The following ZDHHC14 variants were observed in gnomAD, a reference collection of about 807,000 sequenced individuals.
ZDHHC14 encodes zDHHC palmitoyltransferase 14.
ZDHHC14 carries 16 observed loss-of-function variants against 47.7 expected under a neutral mutation model. That is an observed-to-expected ratio of 0.34 (90% confidence interval 0.23 to 0.51). The LOEUF is 0.51. ZDHHC14 is among the 20% of genes least tolerant of loss of function. ZDHHC14 has a pLI of 0.97. For synonymous variants in ZDHHC14, 293 were observed against 278.9 expected, an observed-to-expected ratio of 1.05 and a Z score of -0.50; for missense variants, 515 against 662.5, an observed-to-expected ratio of 0.78 and a Z score of 2.44.
intron 1 of ZDHHC14, among the ~76,000 whole-genome samples, chr6:157,479,458 G>C (rs967618103): frequency 6.6e-6 from 1 of 152,168 alleles, no homozygotes; most frequent in Non-Finnish European, 1.5e-5. Flanking sequence ...TTCTCAGGCA[G>C]CCCCTGGTAT....
At chr6:157,500,319 G>A (rs1780166343) in intron 1 of ZDHHC14, among the ~76,000 whole-genome samples, 2 of 152,168 alleles carry the variant, frequency 1.3e-5, no homozygotes, top group South Asian at 4.2e-4. Context: ...GGGAGGAAGA[G>A]GATGCCACTG....
rs117551201 is a variant in ZDHHC14 at position 157,652,738 on chromosome 6, C to T, written c.966-787C>T. On this transcript the variant is annotated intron_variant, in intron 7 of 8. Coordinates refer to ENST00000359775, the MANE Select transcript of ZDHHC14 (RefSeq NM_024630.3). Reference sequence around the variant, plus strand: ...CTCAGAGATACAGATATTGAGACGGCCTGCCGGTCCTTGCCCTCCACGCTC... The same window carrying T: ...CTCAGAGATACAGATATTGAGACGGTCTGCCGGTCCTTGCCCTCCACGCTC... Among the ~76,000 whole-genome samples, 964 of 152,320 alleles carry T rather than the reference C, an allele frequency of 6.3e-3. 2 individuals are homozygous for T. The highest frequency in any genetic ancestry group is 0.011 in the Non-Finnish European group (738 of 68,022).
At chr6:157,407,883 T>C (rs182661435) in intron 1 of ZDHHC14, among the ~76,000 whole-genome samples, 7 of 152,342 alleles carry the variant, frequency 4.6e-5, no homozygotes, top group South Asian at 4.1e-4. Context: ...AAACTTACCA[T>C]GAACTTCTCA....
intron 1 of ZDHHC14, among the ~76,000 whole-genome samples, chr6:157,509,247 C>G (rs1780403276): frequency 6.6e-6 from 1 of 152,180 alleles, no homozygotes; most frequent in Non-Finnish European, 1.5e-5. Context: ...ATGATGTCCC[C>G]ATCTTACCAT....
In ZDHHC14 at chr6:157,676,116, T is replaced by A. The variant is rs1369719785; in HGVS notation, c.*2994T>A. ...CCAGGAGGGCCCCAGGAAGTGGGGATGCTGCAGGAAGGCGGCACAAAGCCT... is the reference window on the plus strand; with the variant it reads ...CCAGGAGGGCCCCAGGAAGTGGGGAAGCTGCAGGAAGGCGGCACAAAGCCT... On this transcript the variant is annotated 3_prime_UTR_variant, in exon 9 of 9. Transcript: ENST00000359775. 1.3e-5 allele frequency: 2 copies of A among 152,040 alleles called. No individual in the cohort carries two copies. The highest frequency in any genetic ancestry group is 2.9e-5 in the Non-Finnish European group (2 of 68,012). 9.4% of individuals were successfully genotyped at this position (152,040 alleles called of 1,614,324 possible). A position where few individuals can be genotyped will look rare whatever the true frequency, so the allele number is the denominator to read the frequency against.
At chr6:157,550,482 C>T (rs536695831) in intron 2 of ZDHHC14, among the ~76,000 whole-genome samples, 1 of 151,366 alleles carries the variant, frequency 6.6e-6, no homozygotes, top group African/African-American at 2.5e-5. Flanking sequence ...AGAGAGACCA[C>T]AGCGTCACAC....
chr6:157,541,261 C>A (rs1443291189), intron 1 of ZDHHC14, among the ~76,000 whole-genome samples: 2 of 152,182 alleles, frequency 1.3e-5, no homozygotes, highest in African/African-American at 4.8e-5. Context: ...CTCCAGGAAG[C>A]TGTGTCTAGG....
chr6:157,594,856 A>T (rs1784059004), intron 3 of ZDHHC14, among the ~76,000 whole-genome samples: 1 of 152,176 alleles, frequency 6.6e-6, no homozygotes, highest in African/African-American at 2.4e-5. Context: ...CATCTTAAAT[A>T]TCTCTGGGGG....
chr6:157,521,394 G>T lies in ZDHHC14; in HGVS notation c.246-21191G>T, dbSNP rs1582881128. ...GAGCAGGACGCTTCTGTCTTCGTCTGTTCAGGCATCTATTACAACAAAATA... is the reference window on the plus strand; with the variant it reads ...GAGCAGGACGCTTCTGTCTTCGTCTTTTCAGGCATCTATTACAACAAAATA... On this transcript the variant is annotated intron_variant, in intron 1 of 8. Transcript: ENST00000359775. Among the ~76,000 whole-genome samples the T allele has an allele frequency of 5.3e-5, 8 of 152,308 alleles. No individual in the cohort carries two copies. The South Asian group carries it at 1.4e-3, about 28-fold the overall frequency.
intron 7 of ZDHHC14, among the ~76,000 whole-genome samples, chr6:157,648,146 C>G (rs1216434700): frequency 1.3e-5 from 2 of 152,224 alleles, no homozygotes; most frequent in East Asian, 1.9e-4. Context: ...AATACAGATT[C>G]TTTGTGAGTT....
At chr6:157,539,554 T>A (rs569216818) in intron 1 of ZDHHC14, among the ~76,000 whole-genome samples, 1 of 152,264 alleles carries the variant, frequency 6.6e-6, no homozygotes, top group South Asian at 2.1e-4. Flanking sequence ...GCTGGCCGTT[T>A]CTATTTAAGA....
intron 7 of ZDHHC14, among the ~76,000 whole-genome samples, chr6:157,651,022 C>T (rs1777808406): frequency 6.6e-6 from 1 of 152,230 alleles, no homozygotes; most frequent in Admixed American, 6.5e-5. Flanking sequence ...CCCAGGTGGG[C>T]CCGCGGCCAT....
At chr6:157,651,624 A>G (rs892205214) in intron 7 of ZDHHC14, among the ~76,000 whole-genome samples, 1 of 152,018 alleles carries the variant, frequency 6.6e-6, no homozygotes, top group Non-Finnish European at 1.5e-5. Context: ...GCTGGAGTGC[A>G]ATGGCATGAT....
At chr6:157,503,641 T>A (rs150422157) in intron 1 of ZDHHC14, among the ~76,000 whole-genome samples, 82 of 152,310 alleles carry the variant, frequency 5.4e-4, no homozygotes, top group African/African-American at 1.7e-3. Flanking sequence ...TAATGAATAG[T>A]GTGATACACA....
intron 8 of ZDHHC14, 99 bp downstream of exon 8, chr6:157,653,726 G>A (rs1414675258): frequency 4.0e-6 from 5 of 1,252,092 alleles, no homozygotes; most frequent in Non-Finnish European, 1.1e-6. Flanking sequence ...CTCCCCAGGA[G>A]CGGGGGCAGC....
intron 1 of ZDHHC14, among the ~76,000 whole-genome samples, chr6:157,516,504 T>G (rs1780698641): frequency 6.6e-6 from 1 of 152,176 alleles, no homozygotes. Flanking sequence ...CCTGTCAGAG[T>G]GTAAATCTAT....
intron 2 of ZDHHC14, among the ~76,000 whole-genome samples, chr6:157,569,892 T>C (rs369428474): frequency 1.3e-5 from 2 of 152,220 alleles, no homozygotes; most frequent in Non-Finnish European, 2.9e-5. Context: ...TCATTAAATA[T>C]ATAAAAATAC....
At chr6:157,496,184 C>T (rs1780058769) in intron 1 of ZDHHC14, among the ~76,000 whole-genome samples, 1 of 152,192 alleles carries the variant, frequency 6.6e-6, no homozygotes, top group Non-Finnish European at 1.5e-5. Context: ...CCAGCAACCT[C>T]TGTGACTGCC....
At chr6:157,426,951 C>T (rs906713385) in intron 1 of ZDHHC14, among the ~76,000 whole-genome samples, 11 of 152,162 alleles carry the variant, frequency 7.2e-5, no homozygotes, top group South Asian at 4.1e-4. Context: ...CCATTGCAGA[C>T]GGCCTTTCTA....
Sources: allele counts gnomAD v4.1 joint callset (sites outside exome capture counted in the v4.1 genomes callset), GRCh38; gene constraint gnomAD v4.1.1; transcripts MANE v1.5; gene names NCBI Gene and HGNC (gene_info 2026-07-23, HGNC 2026-07-21).